The following SCN9A variants were observed in gnomAD, a reference collection of about 807,000 sequenced individuals.
The protein encoded by SCN9A is sodium voltage-gated channel alpha subunit 9.
SCN9A carries 131 observed loss-of-function variants against 187.0 expected under a neutral mutation model. The observed-to-expected ratio is 0.70, with a 90% CI of 0.61 to 0.81. SCN9A has a LOEUF of 0.81. Among genes scored for constraint, SCN9A ranks in the 30% least tolerant of loss-of-function variants. SCN9A has a pLI of 0.00. For synonymous variants in SCN9A, 809 were observed against 808.6 expected (o/e 1.00, Z -0.01); for missense variants, 2,252 against 2,396.6 (o/e 0.94, Z 1.26).
intron 1 of SCN9A, among the ~76,000 whole-genome samples, chr2:166,326,533 G>C (rs1699367543): frequency 6.6e-6 from 1 of 152,108 alleles, no homozygotes; most frequent in South Asian, 2.1e-4. Context: ...CCAGGATTTT[G>C]TGTCAAGAAT....
intron 17 of SCN9A, among the ~76,000 whole-genome samples, chr2:166,268,041 T>C (rs1696816394): frequency 6.6e-6 from 1 of 152,058 alleles, no homozygotes; most frequent in Non-Finnish European, 1.5e-5. Flanking sequence ...CTCTTTTAAA[T>C]TCAATCTGTA....
At chr2:166,356,564 T>A (rs575222561) in intron 1 of SCN9A, among the ~76,000 whole-genome samples, 1 of 152,154 alleles carries the variant, frequency 6.6e-6, no homozygotes, top group African/African-American at 2.4e-5. Flanking sequence ...AAAGTATGTA[T>A]AACGAAAAAT....
At chr2:166,330,411 A>G (rs1286878144) in intron 1 of SCN9A, among the ~76,000 whole-genome samples, 1 of 152,006 alleles carries the variant, frequency 6.6e-6, no homozygotes, top group African/African-American at 2.4e-5. Context: ...ATTTACATAC[A>G]TTTTCTCATT....
At chr2:166,335,731 G>A (rs1206770894) in intron 1 of SCN9A, among the ~76,000 whole-genome samples, 1 of 152,054 alleles carries the variant, frequency 6.6e-6, no homozygotes, top group East Asian at 1.9e-4. Flanking sequence ...TCAGAAACAT[G>A]GCCACTGGAA....
chr2:166,219,418 A>G (rs1404905051), intron 24 of SCN9A, among the ~76,000 whole-genome samples: 1 of 152,186 alleles, frequency 6.6e-6, no homozygotes, highest in East Asian at 1.9e-4. Flanking sequence ...TATCCTTTGC[A>G]GGGACATGAA....
intron 19 of SCN9A, among the ~76,000 whole-genome samples, chr2:166,238,889 C>T (rs1005699019): frequency 2.0e-5 from 3 of 152,212 alleles, no homozygotes; most frequent in African/African-American, 4.8e-5. Context: ...GTTCTATTCT[C>T]TCCATTAATG....
chr2:166,372,451 G>C (rs1700588387), intron 1 of SCN9A, among the ~76,000 whole-genome samples: 1 of 152,144 alleles, frequency 6.6e-6, no homozygotes, highest in South Asian at 2.1e-4. Context: ...ATTTCTGTTA[G>C]ATGATACAGA....
At chr2:166,299,707 T>G (rs1272780806) in intron 7 of SCN9A, among the ~76,000 whole-genome samples, 1 of 150,896 alleles carries the variant, frequency 6.6e-6, no homozygotes, top group African/African-American at 2.5e-5. Context: ...TCCTTTCTTT[T>G]TGCTGATTGC....
At chr2:166,364,813 T>C (rs923177756) in intron 1 of SCN9A, among the ~76,000 whole-genome samples, 10 of 152,198 alleles carry the variant, frequency 6.6e-5, no homozygotes, top group Admixed American at 2.6e-4. Flanking sequence ...TTGAAATGGT[T>C]AAAATGGTAA....
chr2:166,208,941 A>C (rs1295782367), intron 24 of SCN9A, among the ~76,000 whole-genome samples: 2 of 152,162 alleles, frequency 1.3e-5, no homozygotes, highest in African/African-American at 2.4e-5. Flanking sequence ...CTTTCAAGGG[A>C]GGGAGAGGAG....
In SCN9A at chr2:166,226,609, G is replaced by T; in HGVS notation, c.4356C>A (p.Phe1452Leu). 1 of 1,585,084 alleles carries T rather than the reference G, an allele frequency of 6.3e-7. No homozygotes were observed. The highest frequency in any genetic ancestry group is 8.6e-7 in the Non-Finnish European group (1 of 1,164,296). ...TGAAATTATCTATGATGACACCAAT[G>T]AACAAGTTCAAAGTGAAGAATGACC... ...IFGSFFTLNL[F>L]IGVIIDNFNQ... The change falls in exon 24 of 27, where the codon TTC becomes TTA. Residue 1452 changes from phenylalanine to leucine, a missense_variant. Phe to Leu is a conservative substitution (Grantham distance 22). This residue lies in a region of SCN9A where 368 missense variants were observed against 408.6 expected (regional missense o/e 0.90). Transcript: ENST00000642356.
chr2:166,327,571 A>G (rs1699395593), intron 1 of SCN9A, among the ~76,000 whole-genome samples: 2 of 152,176 alleles, frequency 1.3e-5, no homozygotes, highest in African/African-American at 4.8e-5. Context: ...TTCAATGATG[A>G]CCATATTATT....
chr2:166,294,497 A>G (rs952282396), intron 8 of SCN9A, 102 bp downstream of exon 8: 4 of 765,220 alleles, frequency 5.2e-6, no homozygotes, highest in Middle Eastern at 4.8e-4. Context: ...CATGAAATAT[A>G]TAAAAAGCAA....
rs763649779 is a variant in SCN9A at position 166,279,032 on chromosome 2, T to C, written c.2344-719A>G. Among the ~76,000 whole-genome samples the C allele has an allele frequency of 5.3e-4, 81 of 152,148 alleles. 1 individual carries two copies. The highest frequency in any genetic ancestry group is 9.6e-4 in the Non-Finnish European group (65 of 68,014). Reference sequence around the variant, plus strand: ...TTCAAATAATGCAGGATCAAGAAGATTGGCAGGGAGCAGCTGGACTTGAGG... The same window carrying C: ...TTCAAATAATGCAGGATCAAGAAGACTGGCAGGGAGCAGCTGGACTTGAGG... On this transcript the variant is annotated intron_variant, in intron 14 of 26. Transcript: ENST00000642356.
intron 17 of SCN9A, among the ~76,000 whole-genome samples, chr2:166,256,270 T>C (rs182205609): frequency 6.6e-6 from 1 of 151,534 alleles, no homozygotes; most frequent in East Asian, 1.9e-4. Context: ...ATTAGTGCTT[T>C]TCATCTTGAG....
At chr2:166,257,513 T>G (rs1696331695) in intron 17 of SCN9A, among the ~76,000 whole-genome samples, 1 of 151,624 alleles carries the variant, frequency 6.6e-6, no homozygotes, top group African/African-American at 2.4e-5. Context: ...AAATAGAAAT[T>G]TTACATGGAT....
intron 16 of SCN9A, among the ~76,000 whole-genome samples, chr2:166,275,446 C>G (rs373234456): frequency 1.3e-5 from 2 of 151,602 alleles, no homozygotes; most frequent in South Asian, 4.2e-4. Context: ...TTAGCTGGCA[C>G]GGTAGCATGC....
At chr2:166,350,053 T>C (rs1286414175) in intron 1 of SCN9A, among the ~76,000 whole-genome samples, 1 of 152,094 alleles carries the variant, frequency 6.6e-6, no homozygotes, top group Admixed American at 6.5e-5. Flanking sequence ...TTTGAAAACT[T>C]TTCTACTCCT....
chr2:166,284,677 T>C lies in SCN9A; in HGVS notation c.1750A>G (p.Arg584Gly). The change falls in exon 12 of 27, where the codon AGA (arginine) becomes GGA (glycine). Residue 584 changes from arginine to glycine, a missense_variant. Physicochemically the swap from Arg to Gly is moderately radical, Grantham distance 125. Coordinates refer to ENST00000642356, the MANE Select transcript of SCN9A (RefSeq NM_001365536.1). ...EHSIFGDNES[R>G]RGSLFVPHRP... ...TGGGGCACAAACAGTGAGCCCCTTCTGCTCTCATTGTCTCCAAAAATGCTG... is the reference window on the plus strand; with the variant it reads ...TGGGGCACAAACAGTGAGCCCCTTCCGCTCTCATTGTCTCCAAAAATGCTG... 6.2e-7 allele frequency: 1 copy of C among 1,614,036 alleles called. No individual in the cohort carries two copies. Among genetic ancestry groups the C allele is most frequent in the East Asian group, 2.2e-5 (1 of 44,878 alleles).
Sources: gnomAD v4.1 joint callset for allele counts (sites outside exome capture counted in the v4.1 genomes callset) on GRCh38, gnomAD v4.1.1 for gene constraint, gnomAD v4.1.1 regional missense constraint, MANE v1.5 for transcripts, NCBI Gene and HGNC (gene_info 2026-07-23, HGNC 2026-07-21) for gene names.